The following OSBP2 variants were observed in gnomAD, a reference collection of about 807,000 sequenced individuals.
OSBP2 encodes oxysterol binding protein 2, also known as oxysterol-binding protein 2.
A neutral mutation model predicts 96.0 loss-of-function variants in OSBP2; 66 were observed. That is an observed-to-expected ratio of 0.69 (90% CI 0.56 to 0.84). The LOEUF (loss-of-function observed/expected upper bound fraction) is 0.84. Among genes scored for constraint, OSBP2 ranks in the 40% least tolerant of loss-of-function variants. The pLI is 0.00. For synonymous variants in OSBP2, 525 were observed against 520.9 expected (o/e 1.01, Z -0.11); for missense variants, 1,038 against 1,222.7 (o/e 0.85, Z 2.25).
Position 30,712,932 on chromosome 22 carries a change from T to G in OSBP2, c.644+17379T>G, listed in dbSNP as rs115615670. ...GGTTTTTGTTGTTTTTTTTGAGATA[T>G]AGTCTTACTCTGTCACCTAGGCTGG... is the stretch of plus-strand genomic sequence containing the variant. On this transcript the variant is annotated intron_variant, in intron 1 of 13. Transcript: ENST00000332585. 6.4e-3 allele frequency among the ~76,000 whole-genome samples: 977 copies of G among 152,178 alleles called. 11 individuals are homozygous for G. The highest frequency in any genetic ancestry group is 0.022 in the African/African-American group (925 of 41,530).
chr22:30,862,866 G>C (rs972926206), intron 2 of OSBP2, among the ~76,000 whole-genome samples: 5 of 151,800 alleles, frequency 3.3e-5, no homozygotes, highest in Non-Finnish European at 5.9e-5. Context: ...CCAGCTACTC[G>C]GGAGGCTGAG....
chr22:30,730,792 A>C (rs1211636455), intron 1 of OSBP2, among the ~76,000 whole-genome samples: 6 of 50,378 alleles, frequency 1.2e-4, no homozygotes, highest in East Asian at 5.6e-4. Flanking sequence ...ATATATATAT[A>C]TATATATATA....
chr22:30,791,053 G>A (rs1024921958), intron 2 of OSBP2, among the ~76,000 whole-genome samples: 5 of 151,464 alleles, frequency 3.3e-5, no homozygotes, highest in African/African-American at 9.7e-5. Context: ...GTGTGATCTC[G>A]GCTCACGGCA....
At chr22:30,829,647 G>C (rs2038482322) in intron 2 of OSBP2, among the ~76,000 whole-genome samples, 1 of 152,186 alleles carries the variant, frequency 6.6e-6, no homozygotes. Context: ...GTAAACTGTT[G>C]TAATAGTTTA....
intron 8 of OSBP2, among the ~76,000 whole-genome samples, chr22:30,891,384 C>T (rs1005304361): frequency 8.5e-5 from 13 of 152,190 alleles, no homozygotes; most frequent in African/African-American, 2.9e-4. Context: ...CCAGTGACAG[C>T]AGCCTGTCCC....
At chr22:30,822,728 T>C in intron 2 of OSBP2, 1 of 1,515,830 alleles carries the variant, frequency 6.6e-7, no homozygotes, top group Non-Finnish European at 8.8e-7. Flanking sequence ...TTGCCGGGCT[T>C]CCACCCGGAG....
At chr22:30,837,903 AGCTCACATGT>A (rs2038669804) in intron 2 of OSBP2, among the ~76,000 whole-genome samples, 1 of 152,140 alleles carries the variant, frequency 6.6e-6, no homozygotes, top group African/African-American at 2.4e-5. Flanking sequence ...CATTTTTCCA[AGCTCACATGT>A]GCTTTTTGTG....
chr22:30,828,385 C>G (rs746563803), intron 2 of OSBP2, among the ~76,000 whole-genome samples: 1 of 152,226 alleles, frequency 6.6e-6, no homozygotes, highest in African/African-American at 2.4e-5. Context: ...CAGAGCCCAG[C>G]TCACCTCATC....
At position 30,717,090 on chromosome 22, in the gene OSBP2, TTGTG is replaced by T. The variant is rs35377469; in HGVS notation, c.644+21577_644+21580del. On this transcript the variant is annotated intron_variant, in intron 1 of 13. Transcript: ENST00000332585. ...CTATTTTGTTTTAATTTTACTGTTT[TTGTG>T]TGTGTGTGTGTGTGTGTGTGTGTGT... 7.2e-3 allele frequency among the ~76,000 whole-genome samples: 855 copies of T among 118,358 alleles called. 13 individuals are homozygous for T. The highest frequency in any genetic ancestry group is 1.0e-2 in the Non-Finnish European group (549 of 55,092). The allele number at this position is 118,358 out of a possible 152,430, so 77.6% of individuals were successfully genotyped here. A position where few individuals can be genotyped will look rare whatever the true frequency, so the allele number is the denominator to read the frequency against.
chr22:30,704,866 C>T (rs1373540483), intron 1 of OSBP2, among the ~76,000 whole-genome samples: 2 of 152,178 alleles, frequency 1.3e-5, no homozygotes, highest in African/African-American at 4.8e-5. Context: ...AGACACTAGC[C>T]AAAGGCCCCT....
intron 2 of OSBP2, among the ~76,000 whole-genome samples, chr22:30,763,652 A>AG (rs398036852): frequency 7.4e-5 from 11 of 148,722 alleles, no homozygotes; most frequent in Non-Finnish European, 1.2e-4. Context: ...AAAAAAAAAA[A>AG]CCCACAGGTC....
At position 30,843,921 on chromosome 22, in the gene OSBP2, C is replaced by T. The variant is rs144558762; in HGVS notation, c.854-26508C>T. Among the ~76,000 whole-genome samples, 140 of 150,990 alleles carry T rather than the reference C, an allele frequency of 9.3e-4. 1 individual carries two copies. In the East Asian group the frequency reaches 0.023, roughly 25 times the overall value. ...CAAGATCTTACTCTGTCACCCAGGC[C>T]GGAGTGCAGTGGAGGGATCACAGCT... On this transcript the variant is annotated intron_variant, in intron 2 of 13. Transcript: ENST00000332585.
intron 2 of OSBP2, among the ~76,000 whole-genome samples, chr22:30,789,229 C>T (rs899766828): frequency 6.6e-6 from 1 of 152,128 alleles, no homozygotes; most frequent in African/African-American, 2.4e-5. Context: ...CTTCAGTGCT[C>T]AACGGCTCTC....
intron 2 of OSBP2, among the ~76,000 whole-genome samples, chr22:30,778,331 A>ACACC (rs1555912367): frequency 3.3e-5 from 5 of 151,146 alleles, no homozygotes; most frequent in African/African-American, 4.9e-5. Flanking sequence ...ACACACACAC[A>ACACC]CACCCACTGA....
chr22:30,749,789 G>C (rs968357073), intron 2 of OSBP2, among the ~76,000 whole-genome samples: 1 of 152,086 alleles, frequency 6.6e-6, no homozygotes, highest in African/African-American at 2.4e-5. Context: ...TGTATTTTTA[G>C]TAGAGACGAG....
rs185389387 is a variant in OSBP2, at chr22:30,785,686, T to A, written c.853+44317T>A. Among the ~76,000 whole-genome samples, 4 of 152,202 alleles carry A rather than the reference T, an allele frequency of 2.6e-5. No homozygotes were observed. In the East Asian group the frequency reaches 7.7e-4, roughly 29 times the overall value. ...TATCCCCACCAAATCTCATCTCAAA[T>A]TGTAATCCCCACATATCGAGGGAGG... On this transcript the variant is annotated intron_variant, in intron 2 of 13. Coordinates refer to ENST00000332585, the MANE Select transcript of OSBP2 (RefSeq NM_030758.4).
chr22:30,768,795 G>A (rs774265994), intron 2 of OSBP2, among the ~76,000 whole-genome samples: 19 of 152,198 alleles, frequency 1.2e-4, no homozygotes, highest in Admixed American at 5.2e-4. Context: ...GTAACTAGAG[G>A]GCATAATAGC....
chr22:30,832,941 C>T (rs2038558888), intron 2 of OSBP2, among the ~76,000 whole-genome samples: 1 of 152,172 alleles, frequency 6.6e-6, no homozygotes, highest in Admixed American at 6.5e-5. Context: ...TAAAATGGCC[C>T]TTGGCTTGAT....
At chr22:30,725,191 A>G (rs2089624984) in intron 1 of OSBP2, among the ~76,000 whole-genome samples, 2 of 95,142 alleles carry the variant, frequency 2.1e-5, no homozygotes, top group Admixed American at 1.9e-4. Context: ...CAAAAAAACA[A>G]AAAAACAAAA....
Sources: allele counts gnomAD v4.1 joint callset (sites outside exome capture counted in the v4.1 genomes callset), GRCh38; gene constraint gnomAD v4.1.1; transcripts MANE v1.5; gene names NCBI Gene and HGNC (gene_info 2026-07-23, HGNC 2026-07-21).